ZIC4: variants seen among roughly 807,000 people sequenced by gnomAD.
The protein encoded by ZIC4 is Zic family zinc finger 4, also known as zinc finger protein ZIC 4.
In ZIC4, 15 loss-of-function variants were observed where a neutral mutation model predicts 28.8. That is an observed-to-expected ratio of 0.52 (90% confidence interval 0.35 to 0.80). The LOEUF (loss-of-function observed/expected upper bound fraction) is 0.80. ZIC4 is among the 30% of genes least tolerant of loss of function. The pLI is 0.01. For synonymous variants in ZIC4, 220 were observed against 198.1 expected (o/e 1.11, Z -0.93); for missense variants, 512 against 467.1 (o/e 1.10, Z -0.89).
At chr3:147,393,416 C>G (rs1035477747) in intron 3 of ZIC4, 1 of 153,408 alleles carries the variant, frequency 6.5e-6, no homozygotes, top group Admixed American at 6.5e-5. Context: ...CCTTCCCCCT[C>G]CCTCCAGCTC....
Position 147,405,402 on chromosome 3 carries a change from C to A in ZIC4, c.-16+961G>T, listed in dbSNP as rs1198209385. On this transcript the variant is annotated intron_variant, in intron 1 of 4. Transcript: ENST00000383075. ...GAATCCAAAGGGAGTTTCCTGAAGA[C>A]GGTGACGGCCGAAGTGCAACCCTCC... 4.6e-6 allele frequency: 7 copies of A among 1,536,910 alleles called. No individual in the cohort carries two copies. Among genetic ancestry groups the A allele is most frequent in the South Asian group, 2.4e-5 (2 of 84,038 alleles).
At position 147,386,660 on chromosome 3, in the gene ZIC4, A is replaced by C. The variant is rs2107955570; in HGVS notation, c.*2199T>G. ...TTTGGGGAAACCTGAACTGGGTGAA[A>C]GTTTCTTTGCTGGGCACAATATAAA... On this transcript the variant is annotated 3_prime_UTR_variant, in exon 5 of 5. Transcript: ENST00000383075. 1 of 152,380 alleles carries C rather than the reference A, an allele frequency of 6.6e-6. No individual in the cohort carries two copies. Among genetic ancestry groups the C allele is most frequent in the East Asian group, 1.9e-4 (1 of 5,180 alleles). 9.4% of individuals were successfully genotyped at this position (152,380 alleles called of 1,614,324 possible).
At position 147,395,933 on chromosome 3, in the gene ZIC4, GC is replaced by G; in HGVS notation, c.606del (p.Lys202AsnfsTer84). The G allele has an allele frequency of 6.2e-7, 1 of 1,614,258 alleles. No homozygotes were observed. Among genetic ancestry groups the G allele is most frequent in the Non-Finnish European group, 8.5e-7 (1 of 1,180,040 alleles). On this transcript the variant is annotated frameshift_variant, in exon 3 of 5. Transcript: ENST00000383075. LOFTEE classifies it high-confidence loss of function. ...VNHIRVHTGEKPFPCPFPGCG... is the reference protein window; with the variant it reads ...VNHIRVHTGEXPFPCPFPGCG... Reference sequence around the variant, plus strand: ...CACCCCGGGAAAGGACAAGGGAAGGGCTTCTCGCCCGTGTGCACGCGGATGT... The same window carrying G: ...CACCCCGGGAAAGGACAAGGGAAGGGTTCTCGCCCGTGTGCACGCGGATGT...
chr3:147,392,143 T>G, intron 3 of ZIC4: 5 of 985,586 alleles, frequency 5.1e-6, no homozygotes, highest in Non-Finnish European at 6.0e-6. Flanking sequence ...GGCCTCTCGG[T>G]CCTAAGACGA....
intron 2 of ZIC4, among the ~76,000 whole-genome samples, chr3:147,398,134 G>A (rs912979201): frequency 1.3e-5 from 2 of 152,186 alleles, no homozygotes; most frequent in Non-Finnish European, 2.9e-5. Flanking sequence ...AAGAAACAAA[G>A]GAGTCGGGCG....
chr3:147,394,462 T>C (rs1421841674), intron 3 of ZIC4, among the ~76,000 whole-genome samples: 1 of 126,954 alleles, frequency 7.9e-6, no homozygotes, highest in African/African-American at 2.9e-5. Context: ...TAAAAGTTTG[T>C]TTGTTTAAAA....
At chr3:147,389,743 A>G (rs2086871118) in intron 4 of ZIC4, among the ~76,000 whole-genome samples, 1 of 152,086 alleles carries the variant, frequency 6.6e-6, no homozygotes, top group South Asian at 2.1e-4. Context: ...TGCCTTTACA[A>G]TATTTATTAT....
At chr3:147,391,348 C>T in intron 3 of ZIC4, 102 bp from the exon 4 acceptor site, 2 of 1,373,534 alleles carry the variant, frequency 1.5e-6, no homozygotes, top group Non-Finnish European at 1.9e-6. Flanking sequence ...AAAAGAACTA[C>T]AAAATATTTT....
chr3:147,405,243 G>A, intron 1 of ZIC4: 3 of 825,142 alleles, frequency 3.6e-6, no homozygotes, highest in Non-Finnish European at 5.5e-6. Context: ...ATCAGGCTGG[G>A]CATTTAGCCC....
rs766205699 is a variant in ZIC4, at chr3:147,391,022, C to T, written c.913G>A (p.Ala305Thr). 3 of 1,613,706 alleles carry T rather than the reference C, an allele frequency of 1.9e-6. No homozygotes were observed. The highest frequency in any genetic ancestry group is 1.7e-6 in the Non-Finnish European group (2 of 1,179,980). Reference protein sequence around the residue: ...SSGYDSATPSALVSPSSDCGH... With the variant: ...SSGYDSATPSTLVSPSSDCGH... ...CAGTCCGACGAGGGCGACACGAGGGCAGACGGTGTAGCCGAATCGTAGCCA... is the reference window on the plus strand; with the variant it reads ...CAGTCCGACGAGGGCGACACGAGGGTAGACGGTGTAGCCGAATCGTAGCCA... The change falls in exon 4 of 5, where the codon GCC becomes ACC. Residue 305 changes from alanine to threonine, a missense_variant. By Grantham distance (58) the Ala-to-Thr change is moderately conservative. This residue lies in a region of ZIC4 where 144 missense variants were observed against 116.8 expected (regional missense o/e 1.23). Coordinates refer to ENST00000383075, the MANE Select transcript of ZIC4 (RefSeq NM_032153.6).
In ZIC4 at chr3:147,396,637, C is replaced by A; in HGVS notation, c.71-168G>T. The stretch of plus-strand genomic sequence containing the variant: ...GTGAACCCGGTGGACAGAGCAAGGC[C>A]AAACACCTCCGCCGCCATTGGGCCG... On this transcript the variant is annotated intron_variant, in intron 2 of 4. Transcript: ENST00000383075. This position sits in a 1 kb window ranked among gnomAD's most constrained non-coding sequence, Gnocchi z 4.2. The A allele has an allele frequency of 1.2e-6, 1 of 813,832 alleles. No individual in the cohort carries two copies. Among genetic ancestry groups the A allele is most frequent in the African/African-American group, 1.8e-5 (1 of 56,808 alleles). The allele number at this position is 813,832 out of a possible 1,614,324, so 50.4% of individuals were successfully genotyped here.
Position 147,388,644 on chromosome 3 carries a change from T to C in ZIC4, c.*215A>G, listed in dbSNP as rs1245402141. On this transcript the variant is annotated 3_prime_UTR_variant, in exon 5 of 5. Transcript: ENST00000383075. The stretch of plus-strand genomic sequence containing the variant: ...AAAAAGGTCTGTTAGACGTAAATAT[T>C]ATGTCCTTAATGAAAAGCCTGGACG... 3.6e-6 allele frequency: 2 copies of C among 558,792 alleles called. No individual in the cohort carries two copies. Among genetic ancestry groups the C allele is most frequent in the African/African-American group, 3.8e-5 (2 of 52,854 alleles). 34.6% of individuals were successfully genotyped at this position (558,792 alleles called of 1,614,324 possible). A position where few individuals can be genotyped will look rare whatever the true frequency, so the allele number is the denominator to read the frequency against.
In ZIC4 at chr3:147,399,014, T is replaced by TA. The variant is rs145262817; in HGVS notation, c.71-2546dup. On this transcript the variant is annotated intron_variant, in intron 2 of 4. Coordinates refer to ENST00000383075, the MANE Select transcript of ZIC4 (RefSeq NM_032153.6). ...ACTTCCACAACAATTTCTCTCTACT[T>TA]AGACACGTCCAGGTCTTTCTGCTCC... Among the ~76,000 whole-genome samples the TA allele has an allele frequency of 7.5e-3, 1,135 of 152,152 alleles. 14 individuals are homozygous for TA. Among genetic ancestry groups the TA allele is most frequent in the African/African-American group, 0.026 (1,087 of 41,482 alleles).
chr3:147,394,468 TA>T (rs3058048), intron 3 of ZIC4, among the ~76,000 whole-genome samples: 14,951 of 137,360 alleles, frequency 0.11, 946 homozygotes, highest in East Asian at 0.3. Context: ...TTTGTTTGTT[TA>T]AAAAAAAAAA....
rs780876496 is a variant in ZIC4, at chr3:147,395,996, C to T, written c.544G>A (p.Gly182Arg). Residue 182 changes from glycine to arginine, a missense_variant, in exon 3 of 5, where the codon GGA becomes AGA. By Grantham distance (125) the Gly-to-Arg change is moderately radical. Coordinates refer to ENST00000383075, the MANE Select transcript of ZIC4 (RefSeq NM_032153.6). ...ICFWEECPRQ[G>R]KPFKAKYKLV... ...TTGTATTTGGCTTTGAAGGGCTTTC[C>T]CTGGCGCGGACACTCCTCCCAGAAG... 1.2e-6 allele frequency: 2 copies of T among 1,614,132 alleles called. No homozygotes were observed. The highest frequency in any genetic ancestry group is 8.5e-7 in the Non-Finnish European group (1 of 1,180,062).
intron 2 of ZIC4, among the ~76,000 whole-genome samples, chr3:147,401,283 T>A (rs1280546265): frequency 6.6e-6 from 1 of 152,164 alleles, no homozygotes; most frequent in Non-Finnish European, 1.5e-5. Context: ...GAATGTCTGA[T>A]CTCACTGCCT....
rs570298556 is a variant in ZIC4, at chr3:147,401,630, T to C, written c.70+1098A>G. ...CACAGGGAGTTTGCCTCTATTCTTA[T>C]GCAAAGAAATAACATAAGCCCCAGG... is the stretch of plus-strand genomic sequence containing the variant. On this transcript the variant is annotated intron_variant, in intron 2 of 4. Transcript: ENST00000383075. Among the ~76,000 whole-genome samples, 105 of 152,326 alleles carry C rather than the reference T, an allele frequency of 6.9e-4. 1 individual carries two copies. The highest frequency in any genetic ancestry group is 1.1e-3 in the Non-Finnish European group (76 of 68,042).
rs1240492814 is a variant in ZIC4 at position 147,391,064 on chromosome 3, A to G, written c.871T>C (p.Ser291Pro). ...LRKHMKVHGRSPPPSSGYDSA... is the reference protein window; with the variant it reads ...LRKHMKVHGRPPPPSSGYDSA... ...TCGTAGCCAGAGCTGGGCGGCGGCG[A>G]GCGCCCGTGCACCTTCATGTGCTTA... The change falls in exon 4 of 5, where the codon TCG becomes CCG. Residue 291 changes from serine to proline, a missense_variant. This residue lies in a region of ZIC4 where 144 missense variants were observed against 116.8 expected (regional missense o/e 1.23). Coordinates refer to ENST00000383075, the MANE Select transcript of ZIC4 (RefSeq NM_032153.6). The G allele has an allele frequency of 6.2e-7, 1 of 1,613,900 alleles. No individual in the cohort carries two copies. Among genetic ancestry groups the G allele is most frequent in the Non-Finnish European group, 8.5e-7 (1 of 1,180,020 alleles).
chr3:147,396,046 C>T lies in ZIC4; in HGVS notation c.494G>A (p.Gly165Asp), dbSNP rs1377210496. The T allele has an allele frequency of 5.6e-6, 9 of 1,614,262 alleles. No individual in the cohort carries two copies. In the African/African-American group the frequency reaches 1.1e-4, roughly 19 times the overall value. The change falls in exon 3 of 5, where the codon GGC becomes GAC. Residue 165 changes from glycine (G) to aspartate (D), a missense_variant. Around this residue, in one of 3 missense-constraint regions of ZIC4, gnomAD observed 310 missense variants for 256.5 expected, o/e 1.21. Coordinates refer to ENST00000383075, the MANE Select transcript of ZIC4 (RefSeq NM_032153.6). This position sits in a 1 kb window ranked among gnomAD's most constrained non-coding sequence, Gnocchi z 4.2. ...VTHVTVEHVG[G>D]PEQANHICFW... is the part of the protein sequence containing the mutation. ...GCAAATGTGGTTGGCCTGTTCCGGGCCGCCGACGTGCTCCACGGTGACGTG... is the reference window on the plus strand; with the variant it reads ...GCAAATGTGGTTGGCCTGTTCCGGGTCGCCGACGTGCTCCACGGTGACGTG...
Sources: gnomAD v4.1 joint callset for allele counts (sites outside exome capture counted in the v4.1 genomes callset) on GRCh38, gnomAD v4.1.1 for gene constraint, gnomAD v4.1.1 regional missense constraint, Gnocchi (gnomAD v3.1) non-coding constraint, MANE v1.5 for transcripts, NCBI Gene and HGNC (gene_info 2026-07-23, HGNC 2026-07-21) for gene names.